The following HSD11B1 variants were observed in gnomAD, a reference collection of about 807,000 sequenced individuals.
HSD11B1 encodes the protein hydroxysteroid 11-beta dehydrogenase 1.
Under a neutral mutation model 22.1 loss-of-function variants are expected in HSD11B1, and 15 were observed. The observed-to-expected ratio is 0.68, with a 90% CI of 0.45 to 1.04. HSD11B1 has a LOEUF of 1.04. HSD11B1 is among the 50% of genes least tolerant of loss of function. The pLI, the probability that HSD11B1 is intolerant of heterozygous loss-of-function variation, is 0.00. For synonymous variants in HSD11B1, 122 were observed against 125.2 expected (o/e 0.97, Z 0.17); for missense variants, 281 against 357.6 (o/e 0.79, Z 1.73).
chr1:209,717,699 T>C (rs2102385180), intron 4 of HSD11B1, among the ~76,000 whole-genome samples: 1 of 151,594 alleles, frequency 6.6e-6, no homozygotes, highest in South Asian at 2.1e-4. Flanking sequence ...CTACTAAAAA[T>C]ACAAAAATTA....
chr1:209,721,799 A>G (rs561178005), intron 4 of HSD11B1, among the ~76,000 whole-genome samples: 2 of 152,296 alleles, frequency 1.3e-5, no homozygotes, highest in African/African-American at 4.8e-5. Flanking sequence ...CTTGGACTAC[A>G]TGGTTGATCC....
At chr1:209,690,721 A>C (rs1203488614) in intron 1 of HSD11B1, among the ~76,000 whole-genome samples, 4 of 152,126 alleles carry the variant, frequency 2.6e-5, no homozygotes, top group African/African-American at 4.8e-5. Context: ...ATTAATTAAA[A>C]TTAAACTTAA....
intron 4 of HSD11B1, among the ~76,000 whole-genome samples, chr1:209,727,796 T>G (rs1468161852): frequency 1.3e-5 from 2 of 152,234 alleles, no homozygotes; most frequent in African/African-American, 4.8e-5. Context: ...TTGTGTTTGC[T>G]CCATATGCTT....
intron 4 of HSD11B1, 35 bp downstream of exon 4, chr1:209,707,163 GA>G (rs58182526): frequency 0.27 from 342,591 of 1,276,760 alleles, 40,223 homozygotes; most frequent in African/African-American, 0.65. Context: ...GAAGGTAGAA[GA>G]AAAAAAAAAA....
intron 4 of HSD11B1, among the ~76,000 whole-genome samples, chr1:209,712,061 T>C (rs541862085): frequency 6.6e-6 from 1 of 152,350 alleles, no homozygotes; most frequent in South Asian, 2.1e-4. Flanking sequence ...AGCAAGGTTC[T>C]ACCATCATTT....
At chr1:209,709,078 C>T (rs2076878550) in intron 4 of HSD11B1, among the ~76,000 whole-genome samples, 1 of 152,238 alleles carries the variant, frequency 6.6e-6, no homozygotes, top group Admixed American at 6.5e-5. Flanking sequence ...AATCCTTCCT[C>T]TTTAAAATCT....
chr1:209,699,828 A>G (rs1292906940), intron 1 of HSD11B1, among the ~76,000 whole-genome samples: 1 of 152,238 alleles, frequency 6.6e-6, no homozygotes, highest in Non-Finnish European at 1.5e-5. Flanking sequence ...AAATACAGCC[A>G]TTCCAAATGG....
At chr1:209,714,793 A>C (rs1427381181) in intron 4 of HSD11B1, among the ~76,000 whole-genome samples, 2 of 152,226 alleles carry the variant, frequency 1.3e-5, no homozygotes, top group Non-Finnish European at 2.9e-5. Context: ...GCACAGATTG[A>C]AAAACTTGAG....
intron 4 of HSD11B1, among the ~76,000 whole-genome samples, chr1:209,718,669 G>A (rs966349353): frequency 1.2e-4 from 18 of 152,114 alleles, no homozygotes; most frequent in African/African-American, 4.3e-4. Flanking sequence ...CAGTATGGCA[G>A]TACCTCAGAA....
chr1:209,713,332 G>T (rs1398133172), intron 4 of HSD11B1, among the ~76,000 whole-genome samples: 1 of 152,080 alleles, frequency 6.6e-6, no homozygotes, highest in Non-Finnish European at 1.5e-5. Context: ...ACAGAACAAT[G>T]AATGATTTTT....
chr1:209,729,019 T>A (rs576286397), intron 4 of HSD11B1, among the ~76,000 whole-genome samples: 147 of 152,192 alleles, frequency 9.7e-4, no homozygotes, highest in Middle Eastern at 6.8e-3. Context: ...AAGAAGTAAG[T>A]CCAGCTCTCA....
At chr1:209,714,384 A>G (rs889483740) in intron 4 of HSD11B1, among the ~76,000 whole-genome samples, 6 of 152,252 alleles carry the variant, frequency 3.9e-5, no homozygotes, top group African/African-American at 1.4e-4. Context: ...CACAGTGATT[A>G]GGCTGTGCTC....
chr1:209,709,490 G>A (rs1369347920), intron 4 of HSD11B1, among the ~76,000 whole-genome samples: 1 of 152,184 alleles, frequency 6.6e-6, no homozygotes, highest in Non-Finnish European at 1.5e-5. Context: ...TTCAGCTACT[G>A]TAACGAAGAC....
rs144608568 is a variant in HSD11B1 at position 209,729,688 on chromosome 1, C to T, written c.518-2748C>T. On this transcript the variant is annotated intron_variant, in intron 4 of 5. Coordinates refer to ENST00000367027, the MANE Select transcript of HSD11B1 (RefSeq NM_005525.4). ...AAAGATACAACAAAAAAGAGAAAACCACAGGCCAATATCCCTGATGAACAC... is the reference window on the plus strand; with the variant it reads ...AAAGATACAACAAAAAAGAGAAAACTACAGGCCAATATCCCTGATGAACAC... Among the ~76,000 whole-genome samples the T allele has an allele frequency of 5.3e-5, 8 of 152,106 alleles. No individual in the cohort carries two copies. In the East Asian group the frequency reaches 1.6e-3, roughly 30 times the overall value.
At chr1:209,705,777 G>T in intron 1 of HSD11B1, 34 bp from the exon 2 acceptor site, 2 of 1,612,406 alleles carry the variant, frequency 1.2e-6, no homozygotes, top group Non-Finnish European at 1.7e-6. Flanking sequence ...TGCCAACTTG[G>T]GTATGGTCCT....
intron 4 of HSD11B1, among the ~76,000 whole-genome samples, chr1:209,726,950 G>A (rs1018273573): frequency 2.0e-5 from 3 of 152,268 alleles, no homozygotes; most frequent in East Asian, 1.9e-4. Context: ...TCATCTAGGG[G>A]TGTGTAGTGG....
chr1:209,724,638 A>G (rs1244169659), intron 4 of HSD11B1, among the ~76,000 whole-genome samples: 1 of 152,226 alleles, frequency 6.6e-6, no homozygotes, highest in African/African-American at 2.4e-5. Context: ...TCTTTTTTAA[A>G]AAATAAAAAT....
intron 4 of HSD11B1, among the ~76,000 whole-genome samples, chr1:209,712,885 C>T (rs1200052902): frequency 2.0e-5 from 3 of 152,046 alleles, no homozygotes; most frequent in Admixed American, 2.0e-4. Flanking sequence ...CCCGTCTCTA[C>T]CAAAAATACA....
chr1:209,725,892 T>C (rs946615391), intron 4 of HSD11B1, among the ~76,000 whole-genome samples: 2 of 152,168 alleles, frequency 1.3e-5, no homozygotes, highest in Non-Finnish European at 2.9e-5. Flanking sequence ...CAATAGCAGG[T>C]CACAAAATCT....
Sources: gnomAD v4.1 joint callset for allele counts (sites outside exome capture counted in the v4.1 genomes callset) on GRCh38, gnomAD v4.1.1 for gene constraint, MANE v1.5 for transcripts, NCBI Gene and HGNC (gene_info 2026-07-23, HGNC 2026-07-21) for gene names.